Variants in UNC13C observed in about 807,000 individuals in gnomAD.
UNC13C encodes unc-13 homolog C, also known as protein unc-13 homolog C.
Under a neutral mutation model 245.4 loss-of-function variants are expected in UNC13C, and 174 were observed. The ratio of observed to expected loss-of-function variants is 0.71; its 90% confidence interval spans 0.63 to 0.80. The LOEUF is 0.80. UNC13C is among the 30% of genes least tolerant of loss of function. The pLI is 0.00. For synonymous variants in UNC13C, 992 were observed against 895.1 expected, an observed-to-expected ratio of 1.11 and a Z score of -1.93; for missense variants, 2,829 against 2,602.9, an observed-to-expected ratio of 1.09 and a Z score of -1.89.
chr15:54,203,849 C>CATACATATACAA (rs1394976999), intron 4 of UNC13C, among the ~76,000 whole-genome samples: 8 of 94,468 alleles, frequency 8.5e-5, no homozygotes, highest in African/African-American at 2.7e-4. Flanking sequence ...TACATATACA[C>CATACATATACAA]GTATATATAC....
At chr15:53,932,706 C>T in the UNC13C span, among the ~76,000 whole-genome samples, 2 of 152,040 alleles carry the variant, frequency 1.3e-5, no homozygotes, top group African/African-American at 4.8e-5. Flanking sequence ...GTTTCCTTAG[C>T]TTTGACCTCT....
intron 8 of UNC13C, among the ~76,000 whole-genome samples, chr15:54,252,904 A>T (rs2036189098): frequency 6.6e-6 from 1 of 152,222 alleles, no homozygotes; most frequent in Admixed American, 6.5e-5. Context: ...TTCATAAATT[A>T]AAATTTAAGC....
chr15:54,351,374 T>A (rs530688955), intron 17 of UNC13C, among the ~76,000 whole-genome samples: 32 of 152,270 alleles, frequency 2.1e-4, no homozygotes, highest in Non-Finnish European at 3.8e-4. Flanking sequence ...TAGTTTTTCT[T>A]TTTAGTAAGT....
chr15:54,386,269 TG>T (rs1046867393), intron 17 of UNC13C, among the ~76,000 whole-genome samples: 2 of 152,290 alleles, frequency 1.3e-5, no homozygotes, highest in Admixed American at 6.5e-5. Context: ...CTTTAGTATT[TG>T]GAAATAAATG....
chr15:54,165,875 GC>G (rs1008296820), intron 4 of UNC13C, among the ~76,000 whole-genome samples: 1 of 148,230 alleles, frequency 6.7e-6, no homozygotes, highest in Non-Finnish European at 1.5e-5. Flanking sequence ...TCCCTTTCTT[GC>G]CAATCTGAAA....
chr15:54,374,326 G>T (rs568513372), intron 17 of UNC13C, among the ~76,000 whole-genome samples: 3 of 152,248 alleles, frequency 2.0e-5, no homozygotes, highest in Admixed American at 2.0e-4. Flanking sequence ...CAGCCCAGGT[G>T]CCCAGGCTGT....
At chr15:53,870,776 G>T in the UNC13C span, among the ~76,000 whole-genome samples, 7 of 152,146 alleles carry the variant, frequency 4.6e-5, no homozygotes, top group Non-Finnish European at 1.0e-4. Context: ...AAAGCACAGA[G>T]GTTTAAGAAG....
At chr15:53,916,016 T>A in the UNC13C span, among the ~76,000 whole-genome samples, 5 of 152,340 alleles carry the variant, frequency 3.3e-5, no homozygotes, top group South Asian at 8.3e-4. Context: ...CCCCCAAGTT[T>A]CTGTTATAGT....
intron 2 of UNC13C, among the ~76,000 whole-genome samples, chr15:54,135,875 A>T (rs10851556): frequency 0.37 from 55,823 of 151,932 alleles, 10,337 homozygotes; most frequent in Admixed American, 0.39. Flanking sequence ...TTGACTCTGT[A>T]AGCCTTTGAA....
At position 54,143,077 on chromosome 15, in the gene UNC13C, C is replaced by T. The variant is rs1235633786; in HGVS notation, c.3006+37C>T. Reference sequence around the variant, plus strand: ...TACTTATTCTTCCCTCCTGAGGAATCTTGTCTTTTGTACATGTTTGTTTGT... The same window carrying T: ...TACTTATTCTTCCCTCCTGAGGAATTTTGTCTTTTGTACATGTTTGTTTGT... On this transcript the variant is annotated intron_variant, in intron 3 of 32. Transcript: ENST00000260323. The T allele has an allele frequency of 3.1e-6, 5 of 1,590,532 alleles. No homozygotes were observed. In the South Asian group the frequency reaches 5.5e-5, roughly 18 times the overall value.
chr15:53,922,751 T>A, the UNC13C span, among the ~76,000 whole-genome samples: 1 of 152,214 alleles, frequency 6.6e-6, no homozygotes, highest in Non-Finnish European at 1.5e-5. Context: ...AACAATGGGA[T>A]GTCAGAAACT....
chr15:53,919,029 T>A, the UNC13C span, among the ~76,000 whole-genome samples: 1 of 152,236 alleles, frequency 6.6e-6, no homozygotes, highest in African/African-American at 2.4e-5. Flanking sequence ...ATACTTAATG[T>A]GAATTTAACA....
chr15:53,887,215 T>G, the UNC13C span, among the ~76,000 whole-genome samples: 1 of 152,016 alleles, frequency 6.6e-6, no homozygotes, highest in Non-Finnish European at 1.5e-5. Flanking sequence ...CTGTACTATC[T>G]TCTCCATTTT....
At chr15:54,145,070 A>G (rs2032197119) in intron 4 of UNC13C, among the ~76,000 whole-genome samples, 1 of 151,956 alleles carries the variant, frequency 6.6e-6, no homozygotes, top group Non-Finnish European at 1.5e-5. Flanking sequence ...GGAATTACAT[A>G]CATGAGCCAC....
intron 19 of UNC13C, among the ~76,000 whole-genome samples, chr15:54,470,259 TGA>T (rs1409339480): frequency 6.6e-6 from 1 of 151,608 alleles, no homozygotes; most frequent in African/African-American, 2.4e-5. Context: ...TGCTAGACTA[TGA>T]AATGTGATTG....
intron 1 of UNC13C, among the ~76,000 whole-genome samples, chr15:54,004,306 A>G (rs771735555): frequency 2.0e-5 from 3 of 152,208 alleles, no homozygotes; most frequent in African/African-American, 7.2e-5. Context: ...ACATAACTCC[A>G]GTTGCATCTA....
At chr15:54,223,722 G>T (rs2035293812) in intron 4 of UNC13C, among the ~76,000 whole-genome samples, 1 of 151,866 alleles carries the variant, frequency 6.6e-6, no homozygotes, top group Non-Finnish European at 1.5e-5. Flanking sequence ...ATTGCTTTGG[G>T]TAGGTAGTAT....
At chr15:54,329,081 G>GTTTTTTT (rs36002521) in intron 14 of UNC13C, among the ~76,000 whole-genome samples, 1 of 121,624 alleles carries the variant, frequency 8.2e-6, no homozygotes, top group African/African-American at 3.2e-5. Flanking sequence ...ATTAAACCAA[G>GTTTTTTT]TTTTTTTTTT....
At chr15:53,950,939 C>T in the UNC13C span, among the ~76,000 whole-genome samples, 3 of 151,978 alleles carry the variant, frequency 2.0e-5, no homozygotes, top group Non-Finnish European at 2.9e-5. Flanking sequence ...TATTACAAAG[C>T]GAAATGTAAT....
Sources: allele counts gnomAD v4.1 joint callset (sites outside exome capture counted in the v4.1 genomes callset), GRCh38; gene constraint gnomAD v4.1.1; transcripts MANE v1.5; gene names NCBI Gene and HGNC (gene_info 2026-07-23, HGNC 2026-07-21).